VPS41: variants seen among roughly 807,000 people sequenced by gnomAD.
VPS41 encodes VPS41 subunit of HOPS complex, also known as vacuolar protein sorting-associated protein 41 homolog.
Under a neutral mutation model 130.9 loss-of-function variants are expected in VPS41, and 85 were observed. The ratio of observed to expected loss-of-function variants is 0.65; its 90% CI spans 0.55 to 0.78. The LOEUF (loss-of-function observed/expected upper bound fraction) is 0.78, where lower values mean the gene tolerates loss of function less well. VPS41 is among the 30% of genes least tolerant of loss of function. VPS41 has a pLI of 0.00. For missense variants in VPS41, 874 were observed against 1,018.7 expected, an observed-to-expected ratio of 0.86 and a Z score of 1.93; for synonymous variants, 335 against 332.9, an observed-to-expected ratio of 1.01 and a Z score of -0.07.
chr7:38,841,688 C>G (rs906957295), intron 4 of VPS41, among the ~76,000 whole-genome samples: 1 of 152,218 alleles, frequency 6.6e-6, no homozygotes, highest in Non-Finnish European at 1.5e-5. Flanking sequence ...ACTGCAACCT[C>G]CATCTCCTGG....
intron 21 of VPS41, among the ~76,000 whole-genome samples, chr7:38,752,759 T>C (rs981631872): frequency 2.6e-5 from 4 of 152,206 alleles, no homozygotes; most frequent in African/African-American, 9.6e-5. Context: ...ATGAGTGGTC[T>C]TCCCAGATCA....
chr7:38,854,088 A>AT (rs1312000903), intron 4 of VPS41, among the ~76,000 whole-genome samples: 1 of 152,240 alleles, frequency 6.6e-6, no homozygotes, highest in Non-Finnish European at 1.5e-5. Context: ...AATGATTTCC[A>AT]TTTAAGTAAT....
At chr7:38,826,134 G>A (rs1785270259) in intron 5 of VPS41, among the ~76,000 whole-genome samples, 1 of 152,194 alleles carries the variant, frequency 6.6e-6, no homozygotes, top group Non-Finnish European at 1.5e-5. Flanking sequence ...AGTGATGACA[G>A]AAGCCTCTAG....
At chr7:38,853,752 T>C (rs1785918276) in intron 4 of VPS41, among the ~76,000 whole-genome samples, 1 of 152,208 alleles carries the variant, frequency 6.6e-6, no homozygotes, top group Admixed American at 6.5e-5. Flanking sequence ...TAAAATTACT[T>C]CAACCCTGAC....
chr7:38,749,387 G>A (rs765153314), intron 22 of VPS41, among the ~76,000 whole-genome samples: 23 of 152,134 alleles, frequency 1.5e-4, no homozygotes, highest in Non-Finnish European at 2.9e-4. Flanking sequence ...AAGATATAGT[G>A]TCTTCCCAGT....
chr7:38,833,169 A>G (rs1785426889), intron 4 of VPS41, among the ~76,000 whole-genome samples: 2 of 152,046 alleles, frequency 1.3e-5, no homozygotes, highest in African/African-American at 4.8e-5. Context: ...CTCGGACCAC[A>G]TTTCACCACC....
chr7:38,814,663 A>C (rs1215402960), intron 7 of VPS41, among the ~76,000 whole-genome samples: 2 of 152,058 alleles, frequency 1.3e-5, no homozygotes, highest in African/African-American at 4.8e-5. Context: ...AAAAACAAAA[A>C]CAAAAACAAA....
Position 38,869,158 on chromosome 7 carries a change from T to C in VPS41, c.156A>G (p.Thr52=). Residue 52 remains threonine (T), a synonymous_variant, in exon 3 of 29, where the codon ACA becomes ACG. Transcript: ENST00000310301. The part of the protein sequence containing the change: ...ILQKDAASCM[T]VHDKFLALGT... ...AGTGCTATCTTACCTTGTCATGGAC[T>C]GTCATGCAGCTAGCTGCATCCTTCT... 6.3e-7 allele frequency: 1 copy of C among 1,585,410 alleles called. No homozygotes were observed. Among genetic ancestry groups the C allele is most frequent in the African/African-American group, 1.3e-5 (1 of 74,252 alleles).
chr7:38,752,416 G>A, intron 21 of VPS41, 103 bp from the exon 22 acceptor site: 1 of 1,395,444 alleles, frequency 7.2e-7, no homozygotes, highest in African/African-American at 1.4e-5. Context: ...GGACAGGTTG[G>A]GGGAGAAGCA....
chr7:38,765,055 AT>A (rs1202641898), intron 16 of VPS41, among the ~76,000 whole-genome samples: 1 of 152,186 alleles, frequency 6.6e-6, no homozygotes, highest in Non-Finnish European at 1.5e-5. Context: ...AGGTCCACAA[AT>A]ACTGAAAAAT....
At chr7:38,857,240 A>G (rs1434195103) in intron 4 of VPS41, among the ~76,000 whole-genome samples, 1 of 152,246 alleles carries the variant, frequency 6.6e-6, no homozygotes, top group Admixed American at 6.5e-5. Context: ...TTTGATATTT[A>G]TCTTAACACA....
At chr7:38,765,555 G>A (rs1784023342) in intron 16 of VPS41, 25 bp downstream of exon 16, 1 of 1,451,924 alleles carries the variant, frequency 6.9e-7, no homozygotes, top group South Asian at 1.2e-5. Flanking sequence ...CAGAAACTGA[G>A]AGTTAAAAAT....
At chr7:38,903,435 T>C (rs1277759538) in intron 1 of VPS41, among the ~76,000 whole-genome samples, 1 of 151,886 alleles carries the variant, frequency 6.6e-6, no homozygotes, top group Admixed American at 6.6e-5. Context: ...AAAACAGAAT[T>C]TGGGGGAGAA....
chr7:38,873,632 C>T (rs1562618940), intron 2 of VPS41, among the ~76,000 whole-genome samples: 1 of 152,288 alleles, frequency 6.6e-6, no homozygotes, highest in Non-Finnish European at 1.5e-5. Flanking sequence ...TGGAATAGTA[C>T]AAGTCCTGAC....
chr7:38,741,805 T>A (rs1034223063), intron 25 of VPS41, among the ~76,000 whole-genome samples, 180 bp downstream of exon 25: 4 of 152,202 alleles, frequency 2.6e-5, no homozygotes, highest in Non-Finnish European at 5.9e-5. Flanking sequence ...GACAACGCAA[T>A]TTTAAAGGTG....
At chr7:38,879,322 G>A (rs1032354182) in intron 2 of VPS41, among the ~76,000 whole-genome samples, 12 of 152,090 alleles carry the variant, frequency 7.9e-5, no homozygotes, top group African/African-American at 2.9e-4. Context: ...ACAGGGGTGA[G>A]GACTGGCCGG....
chr7:38,783,293 T>G (rs1784385372), intron 10 of VPS41, among the ~76,000 whole-genome samples: 1 of 151,772 alleles, frequency 6.6e-6, no homozygotes, highest in African/African-American at 2.4e-5. Flanking sequence ...TCCCAGCACT[T>G]TGGGAGGCCA....
chr7:38,734,234 C>T (rs186917927), intron 25 of VPS41, among the ~76,000 whole-genome samples: 2 of 152,202 alleles, frequency 1.3e-5, no homozygotes, highest in African/African-American at 4.8e-5. Context: ...ATTTTCCTTA[C>T]AGGACTTTCC....
intron 9 of VPS41, among the ~76,000 whole-genome samples, chr7:38,790,822 T>A (rs767131643): frequency 6.6e-6 from 1 of 152,242 alleles, no homozygotes; most frequent in Non-Finnish European, 1.5e-5. Context: ...ATCAACCCCC[T>A]TTGGGGGCAT....
Sources: allele counts gnomAD v4.1 joint callset (sites outside exome capture counted in the v4.1 genomes callset), GRCh38; gene constraint gnomAD v4.1.1; transcripts MANE v1.5; gene names NCBI Gene and HGNC (gene_info 2026-07-23, HGNC 2026-07-21).